WWOX: variants seen among roughly 807,000 people sequenced by gnomAD.
WWOX encodes WW domain-containing oxidoreductase.
WWOX carries 69 observed loss-of-function variants against 46.2 expected under a neutral mutation model. The observed-to-expected ratio is 1.49, with a 90% CI of 1.23 to 1.82. The LOEUF (loss-of-function observed/expected upper bound fraction) is 1.82, where lower values mean the gene tolerates loss of function less well. Among genes scored for constraint, WWOX ranks in the 40% most tolerant of loss-of-function variants. WWOX has a pLI of 0.00. For missense variants in WWOX, 919 were observed against 542.6 expected (o/e 1.69, Z -6.89); for synonymous variants, 359 against 202.6 (o/e 1.77, Z -6.56).
intron 8 of WWOX, among the ~76,000 whole-genome samples, chr16:78,977,610 G>A (rs1186209032): frequency 6.6e-6 from 1 of 152,066 alleles, no homozygotes; most frequent in Non-Finnish European, 1.5e-5. Flanking sequence ...AAAATGAAAG[G>A]GGAGAGGAGA....
intron 6 of WWOX, among the ~76,000 whole-genome samples, chr16:78,416,328 T>C (rs1363872509): frequency 6.6e-6 from 1 of 152,210 alleles, no homozygotes; most frequent in Non-Finnish European, 1.5e-5. Flanking sequence ...GAGGCAAAAG[T>C]AATTCTTTTC....
chr16:78,376,489 G>A (rs1470209432), intron 5 of WWOX, among the ~76,000 whole-genome samples: 2 of 152,098 alleles, frequency 1.3e-5, no homozygotes, highest in Non-Finnish European at 2.9e-5. Flanking sequence ...TGTATTATTT[G>A]TAATACAATG....
intron 8 of WWOX, among the ~76,000 whole-genome samples, chr16:78,576,895 C>G (rs1340711983): frequency 6.6e-6 from 1 of 152,214 alleles, no homozygotes; most frequent in East Asian, 1.9e-4. Context: ...GCTAACATTT[C>G]TTTGCCATCC....
intron 5 of WWOX, among the ~76,000 whole-genome samples, chr16:78,334,701 T>G (rs1254524091): frequency 6.6e-6 from 1 of 151,894 alleles, no homozygotes; most frequent in Non-Finnish European, 1.5e-5. Flanking sequence ...ACATTGTTTT[T>G]AAATAGCTAA....
At chr16:78,924,710 T>C (rs2045459235) in intron 8 of WWOX, among the ~76,000 whole-genome samples, 1 of 152,208 alleles carries the variant, frequency 6.6e-6, no homozygotes, top group South Asian at 2.1e-4. Flanking sequence ...ATTAATACCT[T>C]GAATAAGTTT....
At chr16:78,353,828 C>A (rs986676878) in intron 5 of WWOX, among the ~76,000 whole-genome samples, 1 of 152,228 alleles carries the variant, frequency 6.6e-6, no homozygotes, top group Non-Finnish European at 1.5e-5. Context: ...ACAGCCTGGG[C>A]TTGGGTGGCG....
At chr16:78,481,482 T>C (rs2084484548) in intron 8 of WWOX, among the ~76,000 whole-genome samples, 1 of 152,142 alleles carries the variant, frequency 6.6e-6, no homozygotes, top group South Asian at 2.1e-4. Context: ...GAAGTTTTGA[T>C]GGGAACTTTG....
intron 8 of WWOX, among the ~76,000 whole-genome samples, chr16:78,839,737 C>G (rs1453621642): frequency 6.6e-6 from 1 of 152,104 alleles, no homozygotes; most frequent in Non-Finnish European, 1.5e-5. Flanking sequence ...CCTACCAAGT[C>G]ACAGGCTTGG....
rs73579376 is a variant in WWOX, at chr16:78,877,193, C to G, written c.1057-334415C>G. 4.3e-3 allele frequency among the ~76,000 whole-genome samples: 650 copies of G among 152,292 alleles called. 5 individuals are homozygous for G. The highest frequency in any genetic ancestry group is 0.015 in the African/African-American group (603 of 41,556). ...GAAAAGTTATTCCTATTTCATCCATCTAAGACTTTATATCCCATTTCAGGC... is the reference window on the plus strand; with the variant it reads ...GAAAAGTTATTCCTATTTCATCCATGTAAGACTTTATATCCCATTTCAGGC... On this transcript the variant is annotated intron_variant, in intron 8 of 8. Transcript: ENST00000566780.
At chr16:78,151,497 G>A (rs138324617) in intron 4 of WWOX, among the ~76,000 whole-genome samples, 280 of 152,268 alleles carry the variant, frequency 1.8e-3, no homozygotes, top group African/African-American at 5.8e-3. Flanking sequence ...AGCACATGGC[G>A]TGGTACCCAG....
intron 5 of WWOX, among the ~76,000 whole-genome samples, chr16:78,332,050 T>G (rs1461335647): frequency 6.6e-6 from 1 of 152,142 alleles, no homozygotes; most frequent in Non-Finnish European, 1.5e-5. Context: ...GGAGTCTGAT[T>G]ACTGTTTCTC....
chr16:78,975,597 C>T lies in WWOX; in HGVS notation c.1057-236011C>T, dbSNP rs1037985857. On this transcript the variant is annotated intron_variant, in intron 8 of 8. Coordinates refer to ENST00000566780, the MANE Select transcript of WWOX (RefSeq NM_016373.4). ...TGTACCATATACACATGGTATATGC[C>T]TCGTAAATGAAAGGGTGAACAGTGT... 2.0e-5 allele frequency among the ~76,000 whole-genome samples: 3 copies of T among 151,976 alleles called. No homozygotes were observed. The East Asian group carries it at 5.8e-4, about 29-fold the overall frequency.
chr16:78,251,398 T>A (rs1204110095), intron 5 of WWOX, among the ~76,000 whole-genome samples: 1 of 152,192 alleles, frequency 6.6e-6, no homozygotes, highest in African/African-American at 2.4e-5. Context: ...TGCCCTCTTT[T>A]GCCATTTCTG....
At chr16:78,400,593 G>A (rs911778838) in intron 6 of WWOX, among the ~76,000 whole-genome samples, 1 of 152,148 alleles carries the variant, frequency 6.6e-6, no homozygotes, top group African/African-American at 2.4e-5. Context: ...CATGAATCCA[G>A]CTTGGTTTTT....
At chr16:78,214,708 G>A (rs756694624) in intron 5 of WWOX, among the ~76,000 whole-genome samples, 1 of 152,156 alleles carries the variant, frequency 6.6e-6, no homozygotes, top group African/African-American at 2.4e-5. Flanking sequence ...GCCCAGCAAC[G>A]CTCCATTCAG....
chr16:79,120,603 T>C (rs566843880), intron 8 of WWOX, among the ~76,000 whole-genome samples: 2 of 152,314 alleles, frequency 1.3e-5, no homozygotes, highest in African/African-American at 4.8e-5. Flanking sequence ...ACGTCTGAAA[T>C]TGACACTGCT....
intron 8 of WWOX, among the ~76,000 whole-genome samples, chr16:79,141,646 T>A (rs2050091109): frequency 6.6e-6 from 1 of 152,190 alleles, no homozygotes; most frequent in African/African-American, 2.4e-5. Context: ...CACATGACAG[T>A]TTCTTGTTCA....
intron 8 of WWOX, among the ~76,000 whole-genome samples, chr16:78,815,583 C>G (rs1194681939): frequency 6.6e-6 from 1 of 152,182 alleles, no homozygotes; most frequent in Non-Finnish European, 1.5e-5. Context: ...CGTAAGCTGT[C>G]CTCCAAAACA....
intron 8 of WWOX, among the ~76,000 whole-genome samples, chr16:79,066,429 C>A (rs141113535): frequency 6.6e-6 from 1 of 151,768 alleles, no homozygotes; most frequent in African/African-American, 2.4e-5. Flanking sequence ...TTATCAAGTG[C>A]GCAATTAGGC....
Sources: gnomAD v4.1 joint callset for allele counts (sites outside exome capture counted in the v4.1 genomes callset) on GRCh38, gnomAD v4.1.1 for gene constraint, MANE v1.5 for transcripts, NCBI Gene and HGNC (gene_info 2026-07-23, HGNC 2026-07-21) for gene names.